The following IL7 variants were observed in gnomAD, a reference collection of about 807,000 sequenced individuals.
The protein encoded by IL7 is interleukin-7.
In IL7, 3 loss-of-function variants were observed where a neutral mutation model predicts 21.6. The ratio of observed to expected loss-of-function variants is 0.14; its 90% confidence interval spans 0.06 to 0.36. The LOEUF is 0.36. IL7 is among the 10% of genes least tolerant of loss of function. The pLI is 1.00. For synonymous variants in IL7, 62 were observed against 68.1 expected (o/e 0.91, Z 0.44); for missense variants, 175 against 200.2 (o/e 0.87, Z 0.76).
At chr8:78,792,097 T>C (rs1465838336) in intron 2 of IL7, among the ~76,000 whole-genome samples, 1 of 152,110 alleles carries the variant, frequency 6.6e-6, no homozygotes, top group East Asian at 1.9e-4. Flanking sequence ...GGATTATATA[T>C]CAATGGATTA....
At chr8:78,798,653 T>G (rs1366708854) in intron 1 of IL7, among the ~76,000 whole-genome samples, 1 of 152,088 alleles carries the variant, frequency 6.6e-6, no homozygotes, top group African/African-American at 2.4e-5. Context: ...CCATGTCTAT[T>G]TGCTTCTTGG....
chr8:78,726,343 A>G (rs1338407886), intron 3 of IL7, among the ~76,000 whole-genome samples: 20 of 152,024 alleles, frequency 1.3e-4, no homozygotes, highest in Admixed American at 1.3e-3. Context: ...AGGGTTAAAT[A>G]AGTGCACAGG....
At chr8:78,748,284 A>G (rs16906065) in intron 2 of IL7, among the ~76,000 whole-genome samples, 3,012 of 152,298 alleles carry the variant, frequency 0.02, 99 homozygotes, top group African/African-American at 0.069. Flanking sequence ...GGAGAGATTC[A>G]AGAAAGTATA....
At chr8:78,772,784 A>G (rs1813002166) in intron 2 of IL7, among the ~76,000 whole-genome samples, 1 of 152,198 alleles carries the variant, frequency 6.6e-6, no homozygotes, top group East Asian at 1.9e-4. Flanking sequence ...GATTAACAAA[A>G]ACAAGATAAT....
At chr8:78,737,878 T>G (rs1418016978) in intron 4 of IL7, among the ~76,000 whole-genome samples, 3 of 152,178 alleles carry the variant, frequency 2.0e-5, no homozygotes, top group Admixed American at 1.3e-4. Flanking sequence ...ACATGTGTTA[T>G]GCCATTTAAT....
chr8:78,703,722 T>A (rs1407427289), intron 3 of IL7, among the ~76,000 whole-genome samples: 1 of 152,112 alleles, frequency 6.6e-6, no homozygotes, highest in Non-Finnish European at 1.5e-5. Flanking sequence ...GGATCGTGGT[T>A]CTTTATCAAA....
At chr8:78,786,305 T>C (rs1281126105) in intron 2 of IL7, among the ~76,000 whole-genome samples, 1 of 152,192 alleles carries the variant, frequency 6.6e-6, no homozygotes, top group Non-Finnish European at 1.5e-5. Context: ...CAATGGTAAG[T>C]ATTTGTGTGT....
At chr8:78,697,561 A>T in intron 3 of IL7, 2 of 1,358,538 alleles carry the variant, frequency 1.5e-6, no homozygotes, top group Non-Finnish European at 2.1e-6. Context: ...TTGGCAGAGC[A>T]GGAAATAAAG....
intron 5 of IL7, among the ~76,000 whole-genome samples, chr8:78,719,921 ATG>A (rs1467252894): frequency 6.6e-6 from 1 of 151,794 alleles, no homozygotes; most frequent in Admixed American, 6.6e-5. Context: ...GCTTTTTAAA[ATG>A]TATTACCATT....
intron 2 of IL7, among the ~76,000 whole-genome samples, chr8:78,785,433 ATTC>A (rs775439506): frequency 3.3e-5 from 5 of 152,056 alleles, no homozygotes; most frequent in Non-Finnish European, 7.4e-5. Flanking sequence ...TTTTTTGTTC[ATTC>A]TTCTTGTTGT....
chr8:78,724,194 T>C (rs1484167518), intron 3 of IL7: 1 of 152,108 alleles, frequency 6.6e-6, no homozygotes, highest in Non-Finnish European at 1.5e-5. Flanking sequence ...AAACAGGTTC[T>C]TTTTTCTTTC....
At chr8:78,764,676 A>G (rs1812694314) in intron 2 of IL7, among the ~76,000 whole-genome samples, 1 of 152,088 alleles carries the variant, frequency 6.6e-6, no homozygotes. Flanking sequence ...AAATAATATC[A>G]AAAAAAGAAA....
chr8:78,694,774 A>T (rs1810344973), intron 3 of IL7, among the ~76,000 whole-genome samples: 2 of 152,204 alleles, frequency 1.3e-5, no homozygotes, highest in Admixed American at 1.3e-4. Flanking sequence ...TATTTTTGTA[A>T]GGAAATGTAT....
chr8:78,790,288 C>T (rs1586108912), intron 2 of IL7, among the ~76,000 whole-genome samples: 1 of 152,120 alleles, frequency 6.6e-6, no homozygotes, highest in African/African-American at 2.4e-5. Flanking sequence ...TGTAGTTCAA[C>T]CATGTGAGTT....
chr8:78,753,039 G>C (rs1022605647), intron 2 of IL7, among the ~76,000 whole-genome samples: 9 of 152,100 alleles, frequency 5.9e-5, no homozygotes, highest in African/African-American at 2.2e-4. Context: ...ATTGTGAATA[G>C]CTGCAATAAA....
rs745728021 is a variant in IL7, at chr8:78,733,789, A to G, written c.458T>C (p.Leu153Ser). 3 of 1,591,516 alleles carry G rather than the reference A, an allele frequency of 1.9e-6. No homozygotes were observed. The South Asian group carries it at 3.5e-5, about 18-fold the overall frequency. ...SLKEQKKLNDLCFLKRLLQEI... is the reference protein window; with the variant it reads ...SLKEQKKLNDSCFLKRLLQEI... ...TTGTAATAGTCTCTTTAGGAAACAC[A>G]AGTCATTCAGTTTTTTCTGTTCCTT... is the stretch of plus-strand genomic sequence containing the variant. The change falls in exon 6 of 6, where the codon TTG becomes TCG. Residue 153 changes from leucine (L) to serine (S), a missense_variant. Leu to Ser is a moderately radical substitution (Grantham distance 145). Transcript: ENST00000263851.
chr8:78,686,617 A>C (rs758737620), intron 3 of IL7: 4 of 1,468,280 alleles, frequency 2.7e-6, no homozygotes, highest in Admixed American at 2.5e-5. Flanking sequence ...TGGTATTTGG[A>C]ATATTGTTGA....
At chr8:78,706,299 T>G (rs556332369) in intron 3 of IL7, among the ~76,000 whole-genome samples, 1 of 152,292 alleles carries the variant, frequency 6.6e-6, no homozygotes, top group East Asian at 1.9e-4. Flanking sequence ...CCTTTTTTCC[T>G]AAGGGTATGT....
chr8:78,677,579 T>C (rs1809622551), intron 4 of IL7, among the ~76,000 whole-genome samples: 2 of 152,180 alleles, frequency 1.3e-5, no homozygotes, highest in Non-Finnish European at 1.5e-5. Flanking sequence ...TTAACTTTTG[T>C]AATCCTAAAA....
Sources: gnomAD v4.1 joint callset for allele counts (sites outside exome capture counted in the v4.1 genomes callset) on GRCh38, gnomAD v4.1.1 for gene constraint, MANE v1.5 for transcripts, NCBI Gene and HGNC (gene_info 2026-07-23, HGNC 2026-07-21) for gene names.